Variants in TP53BP1 observed in about 807,000 individuals in gnomAD.
TP53BP1 encodes TP53-binding protein 1.
In TP53BP1, 61 loss-of-function variants were observed where a neutral mutation model predicts 200.8. That is an observed-to-expected ratio of 0.30 (90% CI 0.25 to 0.38). The LOEUF (loss-of-function observed/expected upper bound fraction) is 0.38. Among genes scored for constraint, TP53BP1 ranks in the 10% least tolerant of loss-of-function variants. The pLI is 1.00. For synonymous variants in TP53BP1, 822 were observed against 844.3 expected (o/e 0.97, Z 0.46); for missense variants, 2,144 against 2,371.9 (o/e 0.90, Z 2.00).
At chr15:43,503,893 CAG>C (rs2079222852) in intron 1 of TP53BP1, among the ~76,000 whole-genome samples, 2 of 152,308 alleles carry the variant, frequency 1.3e-5, no homozygotes, top group South Asian at 4.1e-4. Flanking sequence ...TGAACATTCA[CAG>C]ACTTTTTTTT....
intron 1 of TP53BP1, among the ~76,000 whole-genome samples, chr15:43,508,437 TG>T (rs1310817389): frequency 6.6e-6 from 1 of 152,154 alleles, no homozygotes; most frequent in Non-Finnish European, 1.5e-5. Context: ...GCAAGAGGAC[TG>T]CTTGAGGCCA....
Position 43,420,355 on chromosome 15 carries a change from G to C in TP53BP1, c.4631C>G (p.Pro1544Arg), listed in dbSNP as rs2045367149. ...GKDILLCDPI[P>R]LDTEVTALSE... Reference sequence around the variant, plus strand: ...GAGGGCCGTCACTTCAGTGTCCAGCGGGATGGGGTCACATAACAGAATGTC... The same window carrying C: ...GAGGGCCGTCACTTCAGTGTCCAGCCGGATGGGGTCACATAACAGAATGTC... The change falls in exon 21 of 28, where the codon CCG becomes CGG. Residue 1544 changes from proline (P) to arginine (R), a missense_variant. This residue lies in a region of TP53BP1 where 61 missense variants were observed against 147.5 expected (regional missense o/e 0.41). Transcript: ENST00000382044. 6.2e-7 allele frequency: 1 copy of C among 1,613,786 alleles called. No individual in the cohort carries two copies. Among genetic ancestry groups the C allele is most frequent in the Non-Finnish European group, 8.5e-7 (1 of 1,179,986 alleles).
chr15:43,424,946 G>A (rs1046459344), intron 18 of TP53BP1, among the ~76,000 whole-genome samples: 1 of 152,120 alleles, frequency 6.6e-6, no homozygotes, highest in East Asian at 1.9e-4. Flanking sequence ...ACGGAATTAC[G>A]AGCTAACAGA....
intron 25 of TP53BP1, 23 bp downstream of exon 25, chr15:43,409,624 G>C: frequency 5.1e-6 from 7 of 1,377,230 alleles, no homozygotes; most frequent in Non-Finnish European, 7.0e-6. Flanking sequence ...CACTATATTA[G>C]GTTACACAAA....
At chr15:43,450,998 CTAAG>C (rs957029277) in intron 12 of TP53BP1, among the ~76,000 whole-genome samples, 20 of 152,262 alleles carry the variant, frequency 1.3e-4, no homozygotes, top group Middle Eastern at 3.4e-3. Context: ...CCTCAGCCTC[CTAAG>C]TAACTGGAAT....
At chr15:43,431,387 C>T (rs1035917068) in intron 17 of TP53BP1, among the ~76,000 whole-genome samples, 5 of 152,216 alleles carry the variant, frequency 3.3e-5, no homozygotes, top group Admixed American at 1.3e-4. Flanking sequence ...TTAACACATA[C>T]ATTTCTACGA....
At chr15:43,409,357 G>C (rs929869451) in intron 25 of TP53BP1, 63 of 572,732 alleles carry the variant, frequency 1.1e-4, no homozygotes, top group Non-Finnish European at 1.6e-4. Flanking sequence ...CAGCCTTTCA[G>C]GCTAAAAATC....
chr15:43,493,290 G>A (rs961254242), upstream of TP53BP1: 1 of 1,297,646 alleles, frequency 7.7e-7, no homozygotes, highest in Non-Finnish European at 1.0e-6. Context: ...ACACGGCGGC[G>A]CGTTTCCATG....
At chr15:43,461,802 G>A (rs969808405) in intron 11 of TP53BP1, among the ~76,000 whole-genome samples, 8 of 151,624 alleles carry the variant, frequency 5.3e-5, no homozygotes, top group African/African-American at 1.9e-4. Context: ...CAGAGTAACT[G>A]GGATTACAGG....
intron 12 of TP53BP1, among the ~76,000 whole-genome samples, chr15:43,448,835 T>C (rs1034232385): frequency 6.6e-6 from 1 of 152,120 alleles, no homozygotes; most frequent in Non-Finnish European, 1.5e-5. Context: ...CTAAAGAAAC[T>C]GTAAAGAGGG....
At chr15:43,449,409 C>T (rs16957739) in intron 12 of TP53BP1, among the ~76,000 whole-genome samples, 5,655 of 152,312 alleles carry the variant, frequency 0.037, 287 homozygotes, top group African/African-American at 0.11. Flanking sequence ...ATGTGACATA[C>T]TATATTACGC....
In TP53BP1 at chr15:43,438,329, G is replaced by A. The variant is rs1289153838; in HGVS notation, c.3186C>T (p.Pro1062=). ...EARSEDPPTT[P]IRGNLLHFPS... ...TCTATAAAAATAATGCTTACCTGATGGGTGTGGTGGGGGGATCCTCACTTC... is the reference window on the plus strand; with the variant it reads ...TCTATAAAAATAATGCTTACCTGATAGGTGTGGTGGGGGGATCCTCACTTC... The change falls in exon 16 of 28, where the codon CCC becomes CCT. Residue 1062 remains proline (P), a synonymous_variant. Transcript: ENST00000382044. 6.2e-7 allele frequency: 1 copy of A among 1,613,342 alleles called. No individual in the cohort carries two copies. Among genetic ancestry groups the A allele is most frequent in the South Asian group, 1.1e-5 (1 of 90,854 alleles).
chr15:43,481,710 G>A (rs751933192), intron 4 of TP53BP1, among the ~76,000 whole-genome samples: 1 of 151,374 alleles, frequency 6.6e-6, no homozygotes, highest in Non-Finnish European at 1.5e-5. Flanking sequence ...ATCTACTCAG[G>A]AGGCTGAGGC....
chr15:43,465,729 G>T (rs1306706320), intron 11 of TP53BP1, among the ~76,000 whole-genome samples: 1 of 152,172 alleles, frequency 6.6e-6, no homozygotes, highest in Non-Finnish European at 1.5e-5. Flanking sequence ...AATCCTACAG[G>T]ATTCCAGTAA....
chr15:43,432,509 A>G lies in TP53BP1; in HGVS notation c.3360T>C (p.Pro1120=). 6.2e-7 allele frequency: 1 copy of G among 1,614,140 alleles called. No homozygotes were observed. The highest frequency in any genetic ancestry group is 8.5e-7 in the Non-Finnish European group (1 of 1,180,022). The stretch of plus-strand genomic sequence containing the variant: ...CATCTGTCACCATTGCCTCTCCTTG[A>G]GGACTGGATGGCCCTTGTATGACCA... ...QKMVIQGPSS[P]QGEAMVTDVL... is the part of the protein sequence containing the mutation. Residue 1120 remains proline (P), a synonymous_variant, in exon 17 of 28, where the codon CCT becomes CCC. Coordinates refer to ENST00000382044, the MANE Select transcript of TP53BP1 (RefSeq NM_001141980.3).
At chr15:43,412,712 A>C (rs779028516) in intron 24 of TP53BP1, 5 of 471,752 alleles carry the variant, frequency 1.1e-5, no homozygotes, top group South Asian at 6.2e-5. Flanking sequence ...CATAGAACGC[A>C]AATGGGGAAG....
At chr15:43,500,799 C>G (rs149180074) in intron 1 of TP53BP1, among the ~76,000 whole-genome samples, 1 of 151,510 alleles carries the variant, frequency 6.6e-6, no homozygotes, top group East Asian at 1.9e-4. Context: ...CCAGCCTGGG[C>G]GACAGAGTGA....
At chr15:43,419,133 T>G (rs2045333175) in intron 21 of TP53BP1, among the ~76,000 whole-genome samples, 1 of 152,114 alleles carries the variant, frequency 6.6e-6, no homozygotes, top group Non-Finnish European at 1.5e-5. Flanking sequence ...GGCAGGAGAC[T>G]CACTTGTACC....
At chr15:43,451,395 T>C (rs1252207556) in intron 12 of TP53BP1, among the ~76,000 whole-genome samples, 1 of 151,784 alleles carries the variant, frequency 6.6e-6, no homozygotes, top group East Asian at 1.9e-4. Flanking sequence ...CCATGTGTTC[T>C]CATTGTTCTA....
Sources: gnomAD v4.1 joint callset for allele counts (sites outside exome capture counted in the v4.1 genomes callset) on GRCh38, gnomAD v4.1.1 for gene constraint, gnomAD v4.1.1 regional missense constraint, MANE v1.5 for transcripts, NCBI Gene and HGNC (gene_info 2026-07-23, HGNC 2026-07-21) for gene names.